SFI1: variants seen among roughly 807,000 people sequenced by gnomAD.
SFI1 encodes protein SFI1 homolog.
Under a neutral mutation model 207.5 loss-of-function variants are expected in SFI1, and 195 were observed. The ratio of observed to expected loss-of-function variants is 0.94; its 90% CI spans 0.84 to 1.06. The LOEUF (loss-of-function observed/expected upper bound fraction) is 1.06. Among genes scored for constraint, SFI1 ranks in the 50% least tolerant of loss-of-function variants. The pLI is 0.00. For missense variants in SFI1, 1,634 were observed against 1,588.0 expected (o/e 1.03, Z -0.49); for synonymous variants, 630 against 598.9 (o/e 1.05, Z -0.76).
At chr22:31,596,298 TG>T (rs11324624) in intron 15 of SFI1, among the ~76,000 whole-genome samples, 6,893 of 152,126 alleles carry the variant, frequency 0.045, 139 homozygotes, top group African/African-American at 0.053. Context: ...TCTATCCATC[TG>T]GAGGGCTTTG....
At chr22:31,519,951 G>A (rs1239667739) in intron 2 of SFI1, among the ~76,000 whole-genome samples, 2 of 151,320 alleles carry the variant, frequency 1.3e-5, no homozygotes, top group African/African-American at 4.9e-5. Flanking sequence ...ATTTTTGGTA[G>A]AGATGGGGTT....
At chr22:31,584,960 C>A in intron 13 of SFI1, 108 bp from the exon 14 acceptor site, 1 of 757,972 alleles carries the variant, frequency 1.3e-6, no homozygotes, top group Non-Finnish European at 2.2e-6. Flanking sequence ...AACTAGTAAG[C>A]CCATGGGGTG....
At position 31,533,150 on chromosome 22, in the gene SFI1, C is replaced by T. The variant is rs574546842; in HGVS notation, c.338+2021C>T. 7.9e-5 allele frequency among the ~76,000 whole-genome samples: 12 copies of T among 152,220 alleles called. No homozygotes were observed. The East Asian group carries it at 2.1e-3, about 27-fold the overall frequency. ...CAGTTTGAACTGTACAGGAGCTAGC[C>T]CAGGTTTCCTGAAGAATAACTGAAG... On this transcript the variant is annotated intron_variant, in intron 4 of 32. Coordinates refer to ENST00000400288, the MANE Select transcript of SFI1 (RefSeq NM_001007467.3).
At chr22:31,531,675 C>T (rs1314896793) in intron 4 of SFI1, among the ~76,000 whole-genome samples, 4 of 152,054 alleles carry the variant, frequency 2.6e-5, no homozygotes, top group African/African-American at 4.8e-5. Flanking sequence ...GGGCGGGTCA[C>T]CTGACATCGG....
intron 10 of SFI1, 67 bp from the exon 11 acceptor site, chr22:31,578,315 C>T: frequency 8.1e-6 from 12 of 1,472,804 alleles, no homozygotes; most frequent in Non-Finnish European, 1.1e-5. Flanking sequence ...TTCAAGGTGG[C>T]TTGCTGAGAA....
At chr22:31,615,478 A>AT in intron 29 of SFI1, 199 bp downstream of exon 29, 1 of 449,354 alleles carries the variant, frequency 2.2e-6, no homozygotes, top group Non-Finnish European at 3.8e-6. Context: ...GGGCCCTGCC[A>AT]TCCTGAAGCT....
At chr22:31,543,185 T>C (rs2059738435) in intron 4 of SFI1, among the ~76,000 whole-genome samples, 1 of 150,832 alleles carries the variant, frequency 6.6e-6, no homozygotes, top group East Asian at 2.0e-4. Context: ...TTAGCCAGGA[T>C]GGTCTCGATC....
intron 15 of SFI1, among the ~76,000 whole-genome samples, chr22:31,593,416 C>G (rs1375090229): frequency 1.4e-5 from 2 of 141,726 alleles, no homozygotes; most frequent in African/African-American, 2.7e-5. Context: ...GGCAGAGACG[C>G]TCCTCACTTC....
At chr22:31,546,997 A>G (rs2060153579) in intron 5 of SFI1, 26 bp downstream of exon 5, 8 of 1,425,734 alleles carry the variant, frequency 5.6e-6, no homozygotes, top group Non-Finnish European at 7.8e-6. Context: ...ACACTCCTTC[A>G]GTTTTACTGA....
intron 12 of SFI1, among the ~76,000 whole-genome samples, chr22:31,581,225 C>G (rs2064133416): frequency 6.6e-6 from 1 of 151,398 alleles, no homozygotes; most frequent in South Asian, 2.1e-4. Context: ...GTGATCTGCC[C>G]ACCTTCGCCT....
chr22:31,614,145 C>CT (rs1354994438), intron 27 of SFI1: 1 of 436,554 alleles, frequency 2.3e-6, no homozygotes, highest in Non-Finnish European at 4.1e-6. Flanking sequence ...CCTGCTGACA[C>CT]GATCTTTTCC....
intron 4 of SFI1, among the ~76,000 whole-genome samples, chr22:31,533,047 G>A (rs1482978289): frequency 6.6e-6 from 1 of 152,170 alleles, no homozygotes; most frequent in Non-Finnish European, 1.5e-5. Flanking sequence ...ATCCAAGGGT[G>A]GAGTTTTTGG....
intron 1 of SFI1, among the ~76,000 whole-genome samples, chr22:31,498,678 T>G (rs1320204493): frequency 6.6e-6 from 1 of 150,886 alleles, no homozygotes; most frequent in Non-Finnish European, 1.5e-5. Context: ...TAAAAGGAGT[T>G]TGAAAAAGTT....
At chr22:31,591,354 C>T (rs1354850693) in intron 15 of SFI1, among the ~76,000 whole-genome samples, 1 of 152,202 alleles carries the variant, frequency 6.6e-6, no homozygotes, top group Admixed American at 6.5e-5. Flanking sequence ...TGAAAAGTCT[C>T]CCATGTCTAC....
At chr22:31,528,556 A>T in intron 2 of SFI1, 134 bp from the exon 3 acceptor site, 1 of 806,780 alleles carries the variant, frequency 1.2e-6, no homozygotes, top group African/African-American at 1.7e-5. Context: ...TGGGCTGCTT[A>T]TTATCCTTGC....
At chr22:31,537,421 A>G (rs1232490717) in intron 4 of SFI1, among the ~76,000 whole-genome samples, 1 of 152,200 alleles carries the variant, frequency 6.6e-6, no homozygotes. Flanking sequence ...AGGGCTTGGC[A>G]GTGGGTGTTG....
At chr22:31,598,532 G>C (rs1833674596) in intron 15 of SFI1, among the ~76,000 whole-genome samples, 1 of 151,330 alleles carries the variant, frequency 6.6e-6, no homozygotes, top group Non-Finnish European at 1.5e-5. Flanking sequence ...CCATTCTCCT[G>C]CCTCAGCCTC....
At chr22:31,499,764 G>A (rs986627427) in intron 1 of SFI1, among the ~76,000 whole-genome samples, 8 of 151,636 alleles carry the variant, frequency 5.3e-5, no homozygotes, top group East Asian at 1.9e-4. Flanking sequence ...TGAGGCGGGC[G>A]GATTACCTGA....
chr22:31,601,809 C>T (rs1424162226), intron 15 of SFI1, among the ~76,000 whole-genome samples: 1 of 151,582 alleles, frequency 6.6e-6, no homozygotes, highest in Non-Finnish European at 1.5e-5. Flanking sequence ...TTATTTTTTT[C>T]AGAGACGGGG....
Sources: gnomAD v4.1 joint callset for allele counts (sites outside exome capture counted in the v4.1 genomes callset) on GRCh38, gnomAD v4.1.1 for gene constraint, MANE v1.5 for transcripts, NCBI Gene and HGNC (gene_info 2026-07-23, HGNC 2026-07-21) for gene names.